Variants in DOC2A observed in about 807,000 individuals in gnomAD.
DOC2A encodes double C2-like domain-containing protein alpha.
A neutral mutation model predicts 40.6 loss-of-function variants in DOC2A; 28 were observed. The observed-to-expected ratio is 0.69, with a 90% CI of 0.51 to 0.95. DOC2A has a LOEUF of 0.95. DOC2A is among the 40% of genes least tolerant of loss of function. The pLI, the probability that DOC2A is intolerant of heterozygous loss-of-function variation, is 0.00. For synonymous variants in DOC2A, 241 were observed against 236.9 expected (o/e 1.02, Z -0.16); for missense variants, 474 against 552.5 (o/e 0.86, Z 1.42).
At chr16:30,022,247 A>C (rs80115388), upstream of DOC2A, among the ~76,000 whole-genome samples, 2 of 6,900 alleles carry the variant, frequency 2.9e-4, no homozygotes, top group Non-Finnish European at 1.1e-3. Flanking sequence ...ACTCCATCTC[A>C]AAAAAAAAAA....
Position 30,005,689 on chromosome 16 carries a change from G to A in DOC2A, c.*497C>T. ...GAGTGGCCGGGAGCATCTGCCACCT[G>A]CTGGGGAGGCAGAGACCCTGCAATG... On this transcript the variant is annotated 3_prime_UTR_variant, in exon 11 of 11. Transcript: ENST00000350119. The A allele has an allele frequency of 1.8e-6, 1 of 550,900 alleles. No individual in the cohort carries two copies. Among genetic ancestry groups the A allele is most frequent in the Non-Finnish European group, 3.2e-6 (1 of 315,834 alleles). The allele number at this position is 550,900 out of a possible 1,614,324, so 34.1% of individuals were successfully genotyped here. A position where few individuals can be genotyped will look rare whatever the true frequency, so the allele number is the denominator to read the frequency against.
At chr16:30,013,268 TC>T (rs1345826234), upstream of DOC2A, among the ~76,000 whole-genome samples, 4 of 148,528 alleles carry the variant, frequency 2.7e-5, no homozygotes, top group African/African-American at 9.9e-5. Flanking sequence ...TTTTTTCTTT[TC>T]TTTTTTTTTT....
Position 30,009,454 on chromosome 16 carries a change from G to A in DOC2A, c.342+24C>T. The A allele has an allele frequency of 4.5e-6, 7 of 1,550,306 alleles. No individual in the cohort carries two copies. Among genetic ancestry groups the A allele is most frequent in the Non-Finnish European group, 6.1e-6 (7 of 1,146,202 alleles). Reference sequence around the variant, plus strand: ...GGGGCTGCACGCAAACCGGGCCCGGGCTTGGGTGGCAGGGAGTGCCCACCT... The same window carrying A: ...GGGGCTGCACGCAAACCGGGCCCGGACTTGGGTGGCAGGGAGTGCCCACCT... On this transcript the variant is annotated intron_variant, in intron 3 of 10. Coordinates refer to ENST00000350119, the MANE Select transcript of DOC2A (RefSeq NM_003586.3). This position sits in a 1 kb window ranked among gnomAD's most constrained non-coding sequence, Gnocchi z 4.1.
rs1433374595 is a variant in DOC2A at position 30,006,879 on chromosome 16, T to C, written c.784A>G (p.Ser262Gly). Residue 262 changes from serine (S) to glycine (G), a missense_variant, in exon 8 of 11, where the codon AGC becomes GGC. Physicochemically the swap from Ser to Gly is moderately conservative, Grantham distance 56 (BLOSUM62 0). Coordinates refer to ENST00000350119, the MANE Select transcript of DOC2A (RefSeq NM_003586.3). This position sits in a 1 kb window ranked among gnomAD's most constrained non-coding sequence, Gnocchi z 6.2. The stretch of plus-strand genomic sequence containing the variant: ...ACCAGCAGTCCCCGGCGCCGCGAGC[T>C]GTAGCTGAGACTCAGCAGGATGCGG... ...RGRILLSLSY[S>G]SRRRGLLVGI... The C allele has an allele frequency of 6.2e-7, 1 of 1,613,390 alleles. No homozygotes were observed. The highest frequency in any genetic ancestry group is 8.5e-7 in the Non-Finnish European group (1 of 1,179,734).
In DOC2A at chr16:30,009,455, C is replaced by G; in HGVS notation, c.342+23G>C. On this transcript the variant is annotated intron_variant, in intron 3 of 10. Coordinates refer to ENST00000350119, the MANE Select transcript of DOC2A (RefSeq NM_003586.3). This position sits in a 1 kb window ranked among gnomAD's most constrained non-coding sequence, Gnocchi z 4.1. ...GGGCTGCACGCAAACCGGGCCCGGG[C>G]TTGGGTGGCAGGGAGTGCCCACCTT... 1.3e-6 allele frequency: 2 copies of G among 1,550,682 alleles called. No homozygotes were observed. Among genetic ancestry groups the G allele is most frequent in the Non-Finnish European group, 1.7e-6 (2 of 1,146,540 alleles).
upstream of DOC2A, among the ~76,000 whole-genome samples, chr16:30,012,020 A>T (rs1308252196): frequency 6.6e-6 from 1 of 151,952 alleles, no homozygotes; most frequent in Admixed American, 6.6e-5. Context: ...CCTGCCACGG[A>T]GTGTCAGTCC....
At chr16:30,018,982 G>C (rs1177756763) in intron 1 of DOC2A, 4 of 152,240 alleles carry the variant, frequency 2.6e-5, no homozygotes, top group Non-Finnish European at 5.9e-5. Flanking sequence ...CTTGATCAAA[G>C]CAGCTTCAGT....
chr16:30,010,973 G>T lies in DOC2A; in HGVS notation c.-84C>A. The stretch of plus-strand genomic sequence containing the variant: ...AGGCTGGGCGGCGGCGGCCGGCGAG[G>T]AGAGCGCGGAGTCGAGCTGTGCGAG... On this transcript the variant is annotated 5_prime_UTR_variant, in exon 1 of 11. Coordinates refer to ENST00000350119, the MANE Select transcript of DOC2A (RefSeq NM_003586.3). This position sits in a 1 kb window ranked among gnomAD's most constrained non-coding sequence, Gnocchi z 4.2. The T allele has an allele frequency of 9.9e-7, 1 of 1,009,682 alleles. No individual in the cohort carries two copies. Among genetic ancestry groups the T allele is most frequent in the Non-Finnish European group, 1.2e-6 (1 of 844,804 alleles). The allele number at this position is 1,009,682 out of a possible 1,614,324, so 62.5% of individuals were successfully genotyped here. A position where few individuals can be genotyped will look rare whatever the true frequency, so the allele number is the denominator to read the frequency against.
rs1054988113 is a variant in DOC2A at position 30,010,967 on chromosome 16, G to A, written c.-78C>T. 18 of 1,011,162 alleles carry A rather than the reference G, an allele frequency of 1.8e-5. No homozygotes were observed. The highest frequency in any genetic ancestry group is 2.1e-5 in the Non-Finnish European group (18 of 845,704). The allele number at this position is 1,011,162 out of a possible 1,614,324, so 62.6% of individuals were successfully genotyped here. Reference sequence around the variant, plus strand: ...GGGCGCAGGCTGGGCGGCGGCGGCCGGCGAGGAGAGCGCGGAGTCGAGCTG... The same window carrying A: ...GGGCGCAGGCTGGGCGGCGGCGGCCAGCGAGGAGAGCGCGGAGTCGAGCTG... On this transcript the variant is annotated 5_prime_UTR_variant, in exon 1 of 11. Coordinates refer to ENST00000350119, the MANE Select transcript of DOC2A (RefSeq NM_003586.3). The surrounding 1 kb of genome is among the most constrained non-coding windows in gnomAD (Gnocchi z 4.2).
chr16:30,015,859 C>A (rs1260879229), upstream of DOC2A, among the ~76,000 whole-genome samples: 1 of 149,324 alleles, frequency 6.7e-6, no homozygotes, highest in Non-Finnish European at 1.5e-5. Flanking sequence ...CACCACCATG[C>A]CTGGCTAATC....
Position 30,009,288 on chromosome 16 carries a change from G to A in DOC2A, c.343-12C>T, listed in dbSNP as rs2150955585. The A allele has an allele frequency of 1.3e-6, 2 of 1,553,906 alleles. No individual in the cohort carries two copies. The highest frequency in any genetic ancestry group is 1.7e-6 in the Non-Finnish European group (2 of 1,148,352). The stretch of plus-strand genomic sequence containing the variant: ...ATGGGCTTGAGGCCCTGGAGAGGAG[G>A]GCAGGGGAGAGGGCTAGAGGCTCCC... On this transcript the variant is annotated splice_polypyrimidine_tract_variant and intron_variant, in intron 3 of 10. Coordinates refer to ENST00000350119, the MANE Select transcript of DOC2A (RefSeq NM_003586.3). This position sits in a 1 kb window ranked among gnomAD's most constrained non-coding sequence, Gnocchi z 4.1.
In DOC2A at chr16:30,010,895, G is replaced by C; in HGVS notation, c.-14+8C>G. The C allele has an allele frequency of 9.8e-7, 1 of 1,019,948 alleles. No homozygotes were observed. The highest frequency in any genetic ancestry group is 1.2e-6 in the Non-Finnish European group (1 of 849,838). 63.2% of individuals were successfully genotyped at this position (1,019,948 alleles called of 1,614,324 possible). A position where few individuals can be genotyped will look rare whatever the true frequency, so the allele number is the denominator to read the frequency against. On this transcript the variant is annotated splice_region_variant and intron_variant, in intron 1 of 10. Transcript: ENST00000350119. The surrounding 1 kb of genome is among the most constrained non-coding windows in gnomAD (Gnocchi z 4.2). ...ACGCCCCCGGCCTGCCCAGCCCCCT[G>C]CACCTGCCTCTGCCTCCAACAGGTG...
At chr16:30,014,328 A>AT (rs2070833664), upstream of DOC2A, among the ~76,000 whole-genome samples, 1 of 151,692 alleles carries the variant, frequency 6.6e-6, no homozygotes, top group South Asian at 2.1e-4. Context: ...TCACAGTTTC[A>AT]TTTTAACTTA....
chr16:30,016,345 G>A (rs1159175112), upstream of DOC2A, among the ~76,000 whole-genome samples: 2 of 151,988 alleles, frequency 1.3e-5, no homozygotes, highest in African/African-American at 2.4e-5. Context: ...CACTGCACCC[G>A]GCCAATATTT....
intron 1 of DOC2A, among the ~76,000 whole-genome samples, chr16:30,017,962 G>GAAA (rs113271952): frequency 4.3e-5 from 4 of 92,704 alleles, no homozygotes; most frequent in African/African-American, 1.4e-4. Context: ...TCTGTCTCCG[G>GAAA]AAAAAAAAAA....
rs1286116496 is a variant in DOC2A, at chr16:30,010,718, G to A, written c.-14+185C>T. ...ATTCAGCCCCAGGACCTGTCTGCCT[G>A]CCTGGTTCCCCCGCTCGCTCACCAC... On this transcript the variant is annotated intron_variant, in intron 1 of 10. Coordinates refer to ENST00000350119, the MANE Select transcript of DOC2A (RefSeq NM_003586.3). The surrounding 1 kb of genome is among the most constrained non-coding windows in gnomAD (Gnocchi z 4.2). 6.6e-6 allele frequency among the ~76,000 whole-genome samples: 1 copy of A among 152,118 alleles called. No homozygotes were observed. Among genetic ancestry groups the A allele is most frequent in the Non-Finnish European group, 1.5e-5 (1 of 68,010 alleles).
chr16:30,006,669 C>T lies in DOC2A; in HGVS notation c.887G>A (p.Arg296Lys). 1 of 1,613,776 alleles carries T rather than the reference C, an allele frequency of 6.2e-7. No homozygotes were observed. ...CTTGGATTTCTTGTCCACATCGGGCCTCAGGTACCTGGGGGTGGGGTGGAG... is the reference window on the plus strand; with the variant it reads ...CTTGGATTTCTTGTCCACATCGGGCTTCAGGTACCTGGGGGTGGGGTGGAG... The part of the protein sequence containing the change: ...YSDPYVKTYL[R>K]PDVDKKSKHK... The change falls in exon 9 of 11, where the codon AGG becomes AAG. Residue 296 changes from arginine to lysine, a missense_variant. By Grantham distance (26) the Arg-to-Lys change is conservative. Coordinates refer to ENST00000350119, the MANE Select transcript of DOC2A (RefSeq NM_003586.3). This position sits in a 1 kb window ranked among gnomAD's most constrained non-coding sequence, Gnocchi z 6.2.
intron 1 of DOC2A, among the ~76,000 whole-genome samples, chr16:30,018,291 A>G (rs914068654): frequency 4.8e-4 from 73 of 151,722 alleles, no homozygotes; most frequent in Non-Finnish European, 4.9e-4. Flanking sequence ...AAAAAAAAAA[A>G]AAAGAAAGAA....
chr16:30,018,859 G>A (rs1158384504), intron 1 of DOC2A: 1 of 152,312 alleles, frequency 6.6e-6, no homozygotes, highest in African/African-American at 2.4e-5. Context: ...CCTGAGAACT[G>A]GTGAGTGTGG....
Sources: allele counts gnomAD v4.1 joint callset (sites outside exome capture counted in the v4.1 genomes callset), GRCh38; gene constraint gnomAD v4.1.1; non-coding constraint Gnocchi (gnomAD v3.1); transcripts MANE v1.5; gene names NCBI Gene and HGNC (gene_info 2026-07-23, HGNC 2026-07-21).